The following ZFHX3 variants were observed in gnomAD, a reference collection of about 807,000 sequenced individuals.
ZFHX3 encodes the protein zinc finger homeobox 3, also known as zinc finger homeobox protein 3.
In ZFHX3, 42 loss-of-function variants were observed where a neutral mutation model predicts 279.1. The ratio of observed to expected loss-of-function variants is 0.15; its 90% CI spans 0.12 to 0.19. ZFHX3 has a LOEUF of 0.19. Among genes scored for constraint, ZFHX3 ranks in the 10% least tolerant of loss-of-function variants. The probability of loss-of-function intolerance (pLI) is 1.00; values close to 1 mark genes in which losing one functional copy is unlikely to be tolerated. For synonymous variants in ZFHX3, 2,293 were observed against 1,957.8 expected (o/e 1.17, Z -4.52); for missense variants, 4,981 against 4,754.0 (o/e 1.05, Z -1.40).
intron 4 of ZFHX3, among the ~76,000 whole-genome samples, chr16:73,260,642 G>A (rs942578059): frequency 6.7e-6 from 1 of 149,682 alleles, no homozygotes; most frequent in Non-Finnish European, 1.5e-5. Context: ...CAAGATCCGG[G>A]TGCTAGGCAT....
chr16:73,345,897 C>T (rs77514543), intron 3 of ZFHX3, among the ~76,000 whole-genome samples: 6,160 of 152,106 alleles, frequency 0.04, 237 homozygotes, highest in South Asian at 0.099. Context: ...CAGATGGGTC[C>T]CTGACTCAGC....
intron 1 of ZFHX3, among the ~76,000 whole-genome samples, chr16:73,885,524 A>C (rs1432634562): frequency 1.3e-5 from 2 of 152,102 alleles, no homozygotes; most frequent in Non-Finnish European, 2.9e-5. Flanking sequence ...TTTTCTAAGA[A>C]AGTGTGATGA....
At chr16:73,189,250 T>C (rs1967978913) in intron 5 of ZFHX3, among the ~76,000 whole-genome samples, 1 of 152,222 alleles carries the variant, frequency 6.6e-6, no homozygotes, top group Non-Finnish European at 1.5e-5. Flanking sequence ...TTCTAGAAGC[T>C]GCTGGGCCAC....
At chr16:73,278,369 T>C (rs569533371) in intron 4 of ZFHX3, among the ~76,000 whole-genome samples, 1 of 152,274 alleles carries the variant, frequency 6.6e-6, no homozygotes, top group South Asian at 2.1e-4. Context: ...GGAAGAAAGT[T>C]GTGGTTGCTT....
Position 73,746,264 on chromosome 16 carries a change from G to A in ZFHX3, c.-1607-66024C>T, listed in dbSNP as rs533670326. 5.3e-5 allele frequency among the ~76,000 whole-genome samples: 8 copies of A among 152,254 alleles called. No homozygotes were observed. In the East Asian group the frequency reaches 1.4e-3, roughly 26 times the overall value. ...ATGTTACTCTTACCATTATCTAGGG[G>A]AGGATTTGTCAGATTCATAAATTGT... is the stretch of plus-strand genomic sequence containing the variant. On this transcript the variant is annotated intron_variant, in intron 1 of 17. Transcript: ENST00000641206.
At chr16:73,490,239 A>G (rs548822344) in intron 2 of ZFHX3, among the ~76,000 whole-genome samples, 7 of 152,324 alleles carry the variant, frequency 4.6e-5, no homozygotes, top group African/African-American at 1.7e-4. Context: ...CTACTGAGAC[A>G]TCCAGTTCAA....
At chr16:72,923,079 G>A (rs988971749) in intron 3 of ZFHX3, among the ~76,000 whole-genome samples, 1 of 152,054 alleles carries the variant, frequency 6.6e-6, no homozygotes, top group Non-Finnish European at 1.5e-5. Context: ...AGGTATATGT[G>A]TATCTATGTA....
chr16:73,287,395 G>C (rs2143084840), intron 4 of ZFHX3, among the ~76,000 whole-genome samples: 1 of 131,466 alleles, frequency 7.6e-6, no homozygotes, highest in South Asian at 2.7e-4. Flanking sequence ...TGTGGGTGGT[G>C]GGTGTGTGGC....
At chr16:73,039,144 G>A (rs1013618650) in intron 1 of ZFHX3, among the ~76,000 whole-genome samples, 6 of 150,168 alleles carry the variant, frequency 4.0e-5, no homozygotes, top group Non-Finnish European at 5.9e-5. Flanking sequence ...AGTTTGTAGA[G>A]ACAGGGTCTC....
At position 73,258,338 on chromosome 16, in the gene ZFHX3, CAT is replaced by C. The variant is rs59013847; in HGVS notation, c.-1193-1204_-1193-1203del. Among the ~76,000 whole-genome samples the C allele has an allele frequency of 8.3e-3, 1,033 of 124,890 alleles. 36 individuals are homozygous for C. Among genetic ancestry groups the C allele is most frequent in the African/African-American group, 0.027 (949 of 34,914 alleles). 81.9% of individuals were successfully genotyped at this position (124,890 alleles called of 152,430 possible). On this transcript the variant is annotated intron_variant, in intron 4 of 17. Transcript: ENST00000641206. Reference sequence around the variant, plus strand: ...ATCGTTCCCTATTATTTTGCTATGACATATATATATATATATATATTTGTTTT... The same window carrying C: ...ATCGTTCCCTATTATTTTGCTATGACATATATATATATATATATTTGTTTT...
At chr16:73,173,780 T>G (rs1043155622) in intron 5 of ZFHX3, among the ~76,000 whole-genome samples, 1 of 152,132 alleles carries the variant, frequency 6.6e-6, no homozygotes. Flanking sequence ...GGATATACCC[T>G]GCCATTCCCA....
intron 2 of ZFHX3, among the ~76,000 whole-genome samples, chr16:73,604,176 A>G (rs903885908): frequency 6.6e-6 from 1 of 152,162 alleles, no homozygotes; most frequent in African/African-American, 2.4e-5. Context: ...TATATTATAT[A>G]AACAGAAAAT....
At chr16:73,623,095 G>A (rs1369462211) in intron 2 of ZFHX3, among the ~76,000 whole-genome samples, 4 of 151,704 alleles carry the variant, frequency 2.6e-5, no homozygotes, top group African/African-American at 9.7e-5. Flanking sequence ...GAACTGCAGT[G>A]GCGCTATCTC....
chr16:73,771,312 G>C (rs571264954), intron 1 of ZFHX3, among the ~76,000 whole-genome samples: 1 of 152,098 alleles, frequency 6.6e-6, no homozygotes, highest in East Asian at 1.9e-4. Flanking sequence ...CCTTAAGCAG[G>C]AGATCCTGGT....
At chr16:72,961,278 C>T (rs928371284) in intron 1 of ZFHX3, among the ~76,000 whole-genome samples, 6 of 152,260 alleles carry the variant, frequency 3.9e-5, no homozygotes, top group Admixed American at 2.6e-4. Context: ...AACCAGCTGT[C>T]GTTCAGCCCT....
At chr16:73,471,670 G>C (rs2018670747) in intron 2 of ZFHX3, among the ~76,000 whole-genome samples, 1 of 152,142 alleles carries the variant, frequency 6.6e-6, no homozygotes, top group South Asian at 2.1e-4. Flanking sequence ...GAGGGCTCAG[G>C]GGACCCTTTA....
At position 73,186,235 on chromosome 16, in the gene ZFHX3, G is replaced by A. The variant is rs542897863; in HGVS notation, c.-1103-42404C>T. Among the ~76,000 whole-genome samples, 14 of 152,160 alleles carry A rather than the reference G, an allele frequency of 9.2e-5. 1 individual carries two copies. The South Asian group carries it at 2.1e-3, about 23-fold the overall frequency. On this transcript the variant is annotated intron_variant, in intron 5 of 17. Coordinates refer to the ZFHX3 transcript ENST00000641206. ...AAATGGAACATGCTTGAATCACCCC[G>A]AAGCCATGCCCCCTCACCATCTGTG...
chr16:73,071,251 G>C (rs1213978357), intron 8 of ZFHX3, among the ~76,000 whole-genome samples: 1 of 151,698 alleles, frequency 6.6e-6, no homozygotes, highest in African/African-American at 2.4e-5. Flanking sequence ...TCGAGATTTC[G>C]GTGTTGGGGG....
intron 5 of ZFHX3, among the ~76,000 whole-genome samples, chr16:73,154,759 T>C (rs1488678868): frequency 6.6e-6 from 1 of 152,148 alleles, no homozygotes; most frequent in African/African-American, 2.4e-5. Context: ...AAGAGCTTCA[T>C]ACTACTAAAG....
Sources: gnomAD v4.1 joint callset for allele counts (sites outside exome capture counted in the v4.1 genomes callset) on GRCh38, gnomAD v4.1.1 for gene constraint, MANE v1.5 for transcripts, NCBI Gene and HGNC (gene_info 2026-07-23, HGNC 2026-07-21) for gene names.